STEAP1B: variants seen among roughly 807,000 people sequenced by gnomAD.
STEAP1B encodes STEAP family protein MGC87042.
A neutral mutation model predicts 27.9 loss-of-function variants in STEAP1B; 13 were observed. That is an observed-to-expected ratio of 0.47 (90% CI 0.30 to 0.74). The LOEUF (loss-of-function observed/expected upper bound fraction) is 0.74, where lower values mean the gene tolerates loss of function less well. Ranked by LOEUF, STEAP1B falls within the 30% of genes least tolerant of loss-of-function variation. The pLI is 0.06. For synonymous variants in STEAP1B, 86 were observed against 107.1 expected (o/e 0.80, Z 1.22); for missense variants, 250 against 298.7 (o/e 0.84, Z 1.20).
intron 1 of STEAP1B, among the ~76,000 whole-genome samples, chr7:22,498,527 T>A (rs1420066250): frequency 1.3e-5 from 2 of 152,242 alleles, no homozygotes; most frequent in African/African-American, 4.8e-5. Flanking sequence ...CCACCCACAT[T>A]TATTCAGTAT....
intron 4 of STEAP1B, among the ~76,000 whole-genome samples, chr7:22,446,900 T>C (rs1321751179): frequency 6.6e-6 from 1 of 152,234 alleles, no homozygotes; most frequent in Non-Finnish European, 1.5e-5. Context: ...TGGCACATTG[T>C]AGAAACTTGA....
intron 4 of STEAP1B, among the ~76,000 whole-genome samples, chr7:22,466,299 G>A (rs57349617): frequency 0.1 from 15,323 of 152,038 alleles, 987 homozygotes; most frequent in East Asian, 0.32. Flanking sequence ...TGGGGGTTTG[G>A]TGTACAGATT....
At chr7:22,441,896 A>C (rs775777660) in intron 4 of STEAP1B, among the ~76,000 whole-genome samples, 11 of 152,266 alleles carry the variant, frequency 7.2e-5, no homozygotes, top group Admixed American at 5.2e-4. Flanking sequence ...CCTGGCCTAC[A>C]GGCCTCAGTA....
intron 4 of STEAP1B, among the ~76,000 whole-genome samples, chr7:22,461,040 G>C (rs993841278): frequency 1.4e-4 from 22 of 152,134 alleles, no homozygotes; most frequent in African/African-American, 5.3e-4. Context: ...AAAAACTGCC[G>C]CTTTCCTGGG....
rs2128410084 is a variant in STEAP1B, at chr7:22,468,570, G to C, written c.762+23995C>G. ...ATCAAAACACTTTTGGAAGTGTTTT[G>C]ATTTGATACGATGAGGCTAAAGACA... On this transcript the variant is annotated intron_variant, in intron 4 of 4. Coordinates refer to ENST00000678116, the MANE Select transcript of STEAP1B (RefSeq NM_001382447.1). Among the ~76,000 whole-genome samples the C allele has an allele frequency of 1.3e-5, 2 of 152,294 alleles. 1 individual carries two copies. The highest frequency in any genetic ancestry group is 4.1e-4 in the South Asian group (2 of 4,826).
Position 22,449,039 on chromosome 7 carries a change from T to C in STEAP1B, c.763-29203A>G, listed in dbSNP as rs112703230. ...GGTATATAGTAGGTGTATGTATTTATGGAGTACATGAGATGTTTTGATATA... is the reference window on the plus strand; with the variant it reads ...GGTATATAGTAGGTGTATGTATTTACGGAGTACATGAGATGTTTTGATATA... On this transcript the variant is annotated intron_variant, in intron 4 of 4. Coordinates refer to ENST00000678116, the MANE Select transcript of STEAP1B (RefSeq NM_001382447.1). Among the ~76,000 whole-genome samples, 394 of 152,340 alleles carry C rather than the reference T, an allele frequency of 2.6e-3. 2 individuals carry two copies. Among genetic ancestry groups the C allele is most frequent in the African/African-American group, 9.0e-3 (373 of 41,572 alleles).
chr7:22,477,727 A>T (rs536906686), intron 4 of STEAP1B, among the ~76,000 whole-genome samples: 1 of 152,256 alleles, frequency 6.6e-6, no homozygotes, highest in African/African-American at 2.4e-5. Context: ...GACATCAACA[A>T]GAGGTTTTTT....
rs1011523913 is a variant in STEAP1B, at chr7:22,482,050, C to A, written c.762+10515G>T. On this transcript the variant is annotated intron_variant, in intron 4 of 4. Coordinates refer to ENST00000678116, the MANE Select transcript of STEAP1B (RefSeq NM_001382447.1). The stretch of plus-strand genomic sequence containing the variant: ...GGAAACTGACTGCTCCCCACAGGGG[C>A]CAGGCAGAGCCATGTCTGGGTCTGG... 7.9e-5 allele frequency among the ~76,000 whole-genome samples: 12 copies of A among 152,310 alleles called. No homozygotes were observed. In the East Asian group the frequency reaches 2.1e-3, roughly 27 times the overall value.
intron 4 of STEAP1B, among the ~76,000 whole-genome samples, chr7:22,484,058 A>C (rs552196457): frequency 6.6e-6 from 1 of 152,348 alleles, no homozygotes; most frequent in South Asian, 2.1e-4. Flanking sequence ...CATGAGGTTT[A>C]ACAAAAAATG....
At chr7:22,496,251 G>C (rs562191485) in intron 1 of STEAP1B, among the ~76,000 whole-genome samples, 1 of 152,234 alleles carries the variant, frequency 6.6e-6, no homozygotes, top group African/African-American at 2.4e-5. Context: ...AAAATATTTT[G>C]TATGGCTGTA....
chr7:22,458,878 CTT>C (rs76609977), intron 4 of STEAP1B, among the ~76,000 whole-genome samples: 4 of 144,676 alleles, frequency 2.8e-5, no homozygotes, highest in African/African-American at 7.5e-5. Flanking sequence ...GGTACGCTAA[CTT>C]TTTTTTTTTT....
chr7:22,458,023 G>A (rs1479517345), intron 4 of STEAP1B, among the ~76,000 whole-genome samples: 3 of 152,134 alleles, frequency 2.0e-5, no homozygotes, highest in African/African-American at 7.2e-5. Flanking sequence ...TTTATTGTAA[G>A]TCCAGATGAG....
At position 22,445,559 on chromosome 7, in the gene STEAP1B, G is replaced by A. The variant is rs548696006; in HGVS notation, c.763-25723C>T. 5.9e-5 allele frequency among the ~76,000 whole-genome samples: 9 copies of A among 152,352 alleles called. No homozygotes were observed. The East Asian group carries it at 1.2e-3, about 20-fold the overall frequency. On this transcript the variant is annotated intron_variant, in intron 4 of 4. Transcript: ENST00000678116. Reference sequence around the variant, plus strand: ...CCACAGCTGAGGGGCGGAGGCCAGCGGGAAGCACCTGCACCTCTTCAGGGT... The same window carrying A: ...CCACAGCTGAGGGGCGGAGGCCAGCAGGAAGCACCTGCACCTCTTCAGGGT...
intron 4 of STEAP1B, among the ~76,000 whole-genome samples, chr7:22,450,247 G>T (rs1304493636): frequency 6.6e-6 from 1 of 152,144 alleles, no homozygotes; most frequent in Non-Finnish European, 1.5e-5. Context: ...AGAAACTTTT[G>T]CCCAGACCAA....
At chr7:22,429,641 A>G (rs1785153345) in intron 4 of STEAP1B, among the ~76,000 whole-genome samples, 2 of 152,244 alleles carry the variant, frequency 1.3e-5, no homozygotes, top group African/African-American at 4.8e-5. Flanking sequence ...GTAGGCCCAC[A>G]CAAGATTTCA....
chr7:22,472,083 T>C (rs1345319915), intron 4 of STEAP1B, among the ~76,000 whole-genome samples: 1 of 152,106 alleles, frequency 6.6e-6, no homozygotes, highest in Non-Finnish European at 1.5e-5. Context: ...CTTTAATAGA[T>C]TCATGACATA....
At chr7:22,435,987 C>A (rs1174102508) in intron 4 of STEAP1B, among the ~76,000 whole-genome samples, 3 of 152,190 alleles carry the variant, frequency 2.0e-5, no homozygotes, top group Non-Finnish European at 4.4e-5. Context: ...GCCTGGCATG[C>A]CCGGACTCTG....
intron 4 of STEAP1B, among the ~76,000 whole-genome samples, chr7:22,460,275 C>T (rs1284517474): frequency 6.8e-6 from 1 of 147,824 alleles, no homozygotes; most frequent in Non-Finnish European, 1.5e-5. Flanking sequence ...CTGCAGTGAG[C>T]TATGATTGTA....
intron 4 of STEAP1B, among the ~76,000 whole-genome samples, chr7:22,472,634 C>T (rs1785904545): frequency 6.6e-6 from 1 of 152,204 alleles, no homozygotes; most frequent in South Asian, 2.1e-4. Context: ...CCTGACTTTT[C>T]TTGTGGTGTG....
Sources: gnomAD v4.1 joint callset for allele counts (sites outside exome capture counted in the v4.1 genomes callset) on GRCh38, gnomAD v4.1.1 for gene constraint, MANE v1.5 for transcripts, NCBI Gene and HGNC (gene_info 2026-07-23, HGNC 2026-07-21) for gene names.